The following DPP10 variants were observed in gnomAD, a reference collection of about 807,000 sequenced individuals.
DPP10 encodes the protein inactive dipeptidyl peptidase 10.
Under a neutral mutation model 120.9 loss-of-function variants are expected in DPP10, and 33 were observed. That is an observed-to-expected ratio of 0.27 (90% CI 0.21 to 0.37). The LOEUF is 0.37. DPP10 is among the 10% of genes least tolerant of loss of function. The pLI is 1.00. For synonymous variants in DPP10, 337 were observed against 326.1 expected, an observed-to-expected ratio of 1.03 and a Z score of -0.36; for missense variants, 816 against 942.8, an observed-to-expected ratio of 0.87 and a Z score of 1.76.
intron 11 of DPP10, 99 bp from the exon 12 acceptor site, chr2:115,762,473 G>T: frequency 8.3e-7 from 1 of 1,209,930 alleles, no homozygotes; most frequent in Non-Finnish European, 1.2e-6. Flanking sequence ...CAGTTGAAGA[G>T]AGGGAAAAAA....
intron 3 of DPP10, among the ~76,000 whole-genome samples, chr2:115,425,005 G>C (rs1018941669): frequency 6.6e-6 from 1 of 152,140 alleles, no homozygotes; most frequent in Non-Finnish European, 1.5e-5. Flanking sequence ...AGAATCGTTG[G>C]GGAATGAGTG....
intron 1 of DPP10, among the ~76,000 whole-genome samples, chr2:114,565,395 G>C (rs1410079274): frequency 6.6e-6 from 1 of 152,278 alleles, no homozygotes; most frequent in African/African-American, 2.4e-5. Context: ...CACCTGATCT[G>C]TTCTTTCTTT....
At chr2:115,551,693 C>T (rs193141480) in intron 5 of DPP10, among the ~76,000 whole-genome samples, 2 of 152,176 alleles carry the variant, frequency 1.3e-5, no homozygotes, top group Non-Finnish European at 2.9e-5. Flanking sequence ...TAAGCATTTG[C>T]TCATATACTG....
Position 115,833,372 on chromosome 2 carries a change from G to C in DPP10, c.1951-2785G>C, listed in dbSNP as rs1174503446. Among the ~76,000 whole-genome samples, 3 of 152,024 alleles carry C rather than the reference G, an allele frequency of 2.0e-5. 1 individual carries two copies. Among genetic ancestry groups the C allele is most frequent in the Non-Finnish European group, 2.9e-5 (2 of 68,022 alleles). ...GATGTGTGATGCATTCCTCACTATG[G>C]GAAGAGTCTTGCCTACGGGAAATAC... On this transcript the variant is annotated intron_variant, in intron 21 of 25. Coordinates refer to ENST00000410059, the MANE Select transcript of DPP10 (RefSeq NM_020868.6).
chr2:114,632,777 G>T (rs974144973), intron 1 of DPP10, among the ~76,000 whole-genome samples: 3 of 152,094 alleles, frequency 2.0e-5, no homozygotes, highest in Non-Finnish European at 2.9e-5. Context: ...CTCCCAAAGT[G>T]CTGGGATTAC....
chr2:115,740,779 A>G (rs1391998845), intron 9 of DPP10, among the ~76,000 whole-genome samples: 2 of 152,100 alleles, frequency 1.3e-5, no homozygotes, highest in Non-Finnish European at 1.5e-5. Flanking sequence ...CCCAATGTTT[A>G]TATAACAAAG....
At chr2:114,999,825 A>G (rs552555109) in intron 1 of DPP10, among the ~76,000 whole-genome samples, 53 of 152,278 alleles carry the variant, frequency 3.5e-4, no homozygotes, top group African/African-American at 1.1e-3. Flanking sequence ...TCTCCTATCA[A>G]CTTGATGTGG....
chr2:115,226,688 A>G (rs975376725), intron 1 of DPP10, among the ~76,000 whole-genome samples: 3 of 152,148 alleles, frequency 2.0e-5, no homozygotes, highest in South Asian at 2.1e-4. Context: ...TAAAATGTTT[A>G]TTTTGACTAC....
intron 1 of DPP10, among the ~76,000 whole-genome samples, chr2:114,587,580 G>A (rs1691110623): frequency 6.6e-6 from 1 of 151,942 alleles, no homozygotes; most frequent in Admixed American, 6.6e-5. Context: ...TGGAGCTTGT[G>A]GTGCTTACAG....
In DPP10 at chr2:115,742,224, A is replaced by G. The variant is rs1677364343; in HGVS notation, c.852+2331A>G. Among the ~76,000 whole-genome samples the G allele has an allele frequency of 2.6e-5, 4 of 152,208 alleles. No individual in the cohort carries two copies. In the South Asian group the frequency reaches 8.3e-4, roughly 32 times the overall value. On this transcript the variant is annotated intron_variant, in intron 9 of 25. Transcript: ENST00000410059. ...AAGAACAGGGAAAAAACTCAAATCT[A>G]TTGATTTCATCCCTCTCTATAAAAC... is the stretch of plus-strand genomic sequence containing the variant.
At chr2:115,747,218 T>C (rs1678094352) in intron 10 of DPP10, among the ~76,000 whole-genome samples, 2 of 152,150 alleles carry the variant, frequency 1.3e-5, no homozygotes, top group South Asian at 4.1e-4. Context: ...TCAGGACTCA[T>C]TGATAAGAAA....
chr2:114,734,701 A>T (rs991162762), intron 1 of DPP10, among the ~76,000 whole-genome samples: 1 of 152,200 alleles, frequency 6.6e-6, no homozygotes, highest in Admixed American at 6.5e-5. Flanking sequence ...TCGGCAAAAG[A>T]TTATCACAGA....
chr2:115,001,645 A>G (rs1389455278), intron 1 of DPP10, among the ~76,000 whole-genome samples: 11 of 152,202 alleles, frequency 7.2e-5, no homozygotes, highest in African/African-American at 2.2e-4. Context: ...AGGAAACCTC[A>G]TGGTCTCTGC....
At chr2:115,248,982 G>T (rs1349322526) in intron 1 of DPP10, among the ~76,000 whole-genome samples, 1 of 152,056 alleles carries the variant, frequency 6.6e-6, no homozygotes, top group Non-Finnish European at 1.5e-5. Context: ...GTTTGAAAAT[G>T]GAAATTTTTC....
At chr2:115,328,989 G>C (rs1309559562) in intron 2 of DPP10, among the ~76,000 whole-genome samples, 1 of 152,066 alleles carries the variant, frequency 6.6e-6, no homozygotes, top group Non-Finnish European at 1.5e-5. Flanking sequence ...GCAGAGGTTA[G>C]ATTTATTACA....
At chr2:115,392,493 C>T (rs916603125) in intron 3 of DPP10, among the ~76,000 whole-genome samples, 5 of 151,964 alleles carry the variant, frequency 3.3e-5, no homozygotes, top group African/African-American at 7.2e-5. Context: ...TTCATTAAAA[C>T]GTGTATACAT....
At chr2:115,682,223 T>C (rs1044373585) in intron 5 of DPP10, among the ~76,000 whole-genome samples, 5 of 151,998 alleles carry the variant, frequency 3.3e-5, no homozygotes, top group Non-Finnish European at 7.4e-5. Context: ...ATTCAGGTTA[T>C]CAAACCAGAT....
chr2:114,479,307 T>C (rs948900889), intron 1 of DPP10, among the ~76,000 whole-genome samples: 2 of 151,478 alleles, frequency 1.3e-5, no homozygotes, highest in Non-Finnish European at 2.9e-5. Flanking sequence ...AAAAGAAAAA[T>C]GAAATATGAG....
chr2:114,639,739 A>G (rs1695567595), intron 1 of DPP10, among the ~76,000 whole-genome samples: 1 of 151,990 alleles, frequency 6.6e-6, no homozygotes, highest in African/African-American at 2.4e-5. Context: ...TTTATTCTGT[A>G]CTAGGATCTT....
Sources: gnomAD v4.1 joint callset for allele counts (sites outside exome capture counted in the v4.1 genomes callset) on GRCh38, gnomAD v4.1.1 for gene constraint, MANE v1.5 for transcripts, NCBI Gene and HGNC (gene_info 2026-07-23, HGNC 2026-07-21) for gene names.